The following RBFOX1 variants were observed in gnomAD, a reference collection of about 807,000 sequenced individuals.
The protein encoded by RBFOX1 is RNA binding protein fox-1 homolog 1.
RBFOX1 carries 8 observed loss-of-function variants against 57.7 expected under a neutral mutation model. The ratio of observed to expected loss-of-function variants is 0.14; its 90% CI spans 0.08 to 0.25. The LOEUF (loss-of-function observed/expected upper bound fraction) is 0.25, where lower values mean the gene tolerates loss of function less well. Among genes scored for constraint, RBFOX1 ranks in the 10% least tolerant of loss-of-function variants. The pLI is 1.00. For synonymous variants in RBFOX1, 326 were observed against 222.4 expected, an observed-to-expected ratio of 1.47 and a Z score of -4.15; for missense variants, 611 against 548.5, an observed-to-expected ratio of 1.11 and a Z score of -1.14.
intron 1 of RBFOX1, among the ~76,000 whole-genome samples, chr16:5,372,239 G>A (rs887050813): frequency 2.6e-5 from 4 of 152,254 alleles, no homozygotes; most frequent in African/African-American, 9.6e-5. Context: ...AGGGTTTCAC[G>A]GGTCCACTGC....
chr16:7,086,721 T>TACACACACACACAGACAC (rs1555460284), intron 4 of RBFOX1, among the ~76,000 whole-genome samples: 1 of 149,476 alleles, frequency 6.7e-6, no homozygotes, highest in Non-Finnish European at 1.5e-5. Flanking sequence ...GAAGAATGTA[T>TACACACACACACAGACAC]ACACACACAC....
intron 1 of RBFOX1, among the ~76,000 whole-genome samples, chr16:5,259,850 C>A (rs1259902940): frequency 1.3e-5 from 2 of 152,128 alleles, no homozygotes; most frequent in Admixed American, 1.3e-4. Flanking sequence ...CTGTTTAACA[C>A]CACGTGGGGG....
At chr16:6,326,473 C>T (rs1050318978) in intron 2 of RBFOX1, among the ~76,000 whole-genome samples, 2 of 152,132 alleles carry the variant, frequency 1.3e-5, no homozygotes, top group Non-Finnish European at 2.9e-5. Context: ...ATCCTAGATA[C>T]AAGTACTTTC....
chr16:7,126,553 G>A lies in RBFOX1; in HGVS notation c.27+74455G>A, dbSNP rs115075790. 897 of 214,372 alleles carry A rather than the reference G, an allele frequency of 4.2e-3. 7 individuals are homozygous for A. Among genetic ancestry groups the A allele is most frequent in the African/African-American group, 0.018 (784 of 43,422 alleles). The allele number at this position is 214,372 out of a possible 1,614,324, so 13.3% of individuals were successfully genotyped here. A position where few individuals can be genotyped will look rare whatever the true frequency, so the allele number is the denominator to read the frequency against. On this transcript the variant is annotated intron_variant, in intron 4 of 15. Transcript: ENST00000550418. ...TCTTAATGGCCTTGTCTTTGGGCACGCGCTGGGCACAGTTCGTGCAGCAAA... is the reference window on the plus strand; with the variant it reads ...TCTTAATGGCCTTGTCTTTGGGCACACGCTGGGCACAGTTCGTGCAGCAAA...
intron 4 of RBFOX1, among the ~76,000 whole-genome samples, chr16:7,275,218 C>G (rs985581190): frequency 6.6e-6 from 1 of 152,174 alleles, no homozygotes; most frequent in Admixed American, 6.5e-5. Flanking sequence ...ACATGCTACA[C>G]TACTAACTCA....
At chr16:7,293,115 C>T (rs962319949) in intron 4 of RBFOX1, among the ~76,000 whole-genome samples, 1 of 152,198 alleles carries the variant, frequency 6.6e-6, no homozygotes, top group Non-Finnish European at 1.5e-5. Context: ...TGACCCTCCA[C>T]GTCCTTGGGT....
rs537602802 is a variant in RBFOX1 at position 6,162,417 on chromosome 16, G to C, written c.-127+142425G>C. ...GTCGTGAGCCACTGCACCTGGCCCAGATTTCTGTATTTTAACAGGAAGTGC... is the reference window on the plus strand; with the variant it reads ...GTCGTGAGCCACTGCACCTGGCCCACATTTCTGTATTTTAACAGGAAGTGC... On this transcript the variant is annotated intron_variant, in intron 1 of 15. Coordinates refer to ENST00000550418, the MANE Select transcript of RBFOX1 (RefSeq NM_018723.4). Among the ~76,000 whole-genome samples, 45 of 152,228 alleles carry C rather than the reference G, an allele frequency of 3.0e-4. No homozygotes were observed. The South Asian group carries it at 4.6e-3, about 15-fold the overall frequency.
At chr16:5,673,604 C>G (rs1277678332) in intron 3 of RBFOX1, among the ~76,000 whole-genome samples, 2 of 152,326 alleles carry the variant, frequency 1.3e-5, no homozygotes, top group South Asian at 2.1e-4. Flanking sequence ...GGGCAACTAT[C>G]TCCATTCAGT....
intron 3 of RBFOX1, among the ~76,000 whole-genome samples, chr16:6,719,271 T>C (rs2065454738): frequency 6.6e-6 from 1 of 151,574 alleles, no homozygotes; most frequent in African/African-American, 2.4e-5. Flanking sequence ...AATACTAGGA[T>C]TCAATATTCA....
At chr16:6,181,986 A>G (rs182350176) in intron 1 of RBFOX1, among the ~76,000 whole-genome samples, 375 of 152,240 alleles carry the variant, frequency 2.5e-3, no homozygotes, top group Non-Finnish European at 4.1e-3. Flanking sequence ...ATTTTATATC[A>G]TTTCTGATCA....
chr16:5,486,832 C>T, intron 2 of RBFOX1, among the ~76,000 whole-genome samples: 1 of 151,764 alleles, frequency 6.6e-6, no homozygotes, highest in Non-Finnish European at 1.5e-5. Flanking sequence ...TAATACCTTG[C>T]TGGAGATTTA....
At chr16:7,222,960 CTTG>C (rs1567776800) in intron 4 of RBFOX1, among the ~76,000 whole-genome samples, 2 of 152,286 alleles carry the variant, frequency 1.3e-5, no homozygotes, top group East Asian at 1.9e-4. Flanking sequence ...TTGAGCGTCC[CTTG>C]TTGTGCAGCA....
At chr16:6,526,938 A>G (rs1294604604) in intron 2 of RBFOX1, among the ~76,000 whole-genome samples, 2 of 151,530 alleles carry the variant, frequency 1.3e-5, no homozygotes, top group Admixed American at 1.3e-4. Flanking sequence ...AATCACAGAG[A>G]GATTAAATAA....
chr16:5,411,806 C>T (rs2067029284), intron 1 of RBFOX1, among the ~76,000 whole-genome samples: 1 of 152,066 alleles, frequency 6.6e-6, no homozygotes, highest in Non-Finnish European at 1.5e-5. Flanking sequence ...TTGCTTGAGC[C>T]TGGGAAGTGG....
chr16:5,744,930 G>C (rs186038454), intron 3 of RBFOX1, among the ~76,000 whole-genome samples: 1 of 151,976 alleles, frequency 6.6e-6, no homozygotes, highest in African/African-American at 2.4e-5. Flanking sequence ...GCACTGCCAC[G>C]CCTGGCTAAT....
intron 4 of RBFOX1, among the ~76,000 whole-genome samples, chr16:7,132,923 A>G (rs1424176693): frequency 6.6e-6 from 1 of 152,240 alleles, no homozygotes; most frequent in Admixed American, 6.5e-5. Context: ...CCATTTTAAC[A>G]GGATACATTT....
At chr16:7,334,479 G>C (rs1032895589) in intron 4 of RBFOX1, among the ~76,000 whole-genome samples, 1 of 152,064 alleles carries the variant, frequency 6.6e-6, no homozygotes, top group African/African-American at 2.4e-5. Flanking sequence ...ACCCTCTGCC[G>C]ACCCATCTGA....
At chr16:6,732,102 C>A (rs1358598869) in intron 3 of RBFOX1, among the ~76,000 whole-genome samples, 1 of 152,096 alleles carries the variant, frequency 6.6e-6, no homozygotes, top group Admixed American at 6.6e-5. Flanking sequence ...CTCTTTCAGT[C>A]TTCCCTTTGC....
At chr16:6,177,273 CT>C (rs1024737184) in intron 1 of RBFOX1, among the ~76,000 whole-genome samples, 1 of 151,162 alleles carries the variant, frequency 6.6e-6, no homozygotes, top group Non-Finnish European at 1.5e-5. Context: ...AAATAAATAG[CT>C]TTTTCTTTTT....
Sources: allele counts gnomAD v4.1 joint callset (sites outside exome capture counted in the v4.1 genomes callset), GRCh38; gene constraint gnomAD v4.1.1; transcripts MANE v1.5; gene names NCBI Gene and HGNC (gene_info 2026-07-23, HGNC 2026-07-21).